DNMBP: variants seen among roughly 807,000 people sequenced by gnomAD.
The protein encoded by DNMBP is dynamin binding protein, also known as dynamin-binding protein.
Under a neutral mutation model 150.0 loss-of-function variants are expected in DNMBP, and 87 were observed. That is an observed-to-expected ratio of 0.58 (90% CI 0.49 to 0.69). The LOEUF is 0.69. DNMBP is among the 30% of genes least tolerant of loss of function. The probability of loss-of-function intolerance (pLI) is 0.00; values close to 1 mark genes in which losing one functional copy is unlikely to be tolerated. For missense variants in DNMBP, 1,774 were observed against 1,949.0 expected, an observed-to-expected ratio of 0.91 and a Z score of 1.69; for synonymous variants, 711 against 750.4, an observed-to-expected ratio of 0.95 and a Z score of 0.86.
chr10:99,899,168 G>A (rs1259984121), intron 7 of DNMBP, among the ~76,000 whole-genome samples: 1 of 151,950 alleles, frequency 6.6e-6, no homozygotes, highest in Admixed American at 6.6e-5. Flanking sequence ...CAGCCTGGAC[G>A]ACAGAGTGAG....
intron 2 of DNMBP, among the ~76,000 whole-genome samples, 154 bp from the exon 3 acceptor site, chr10:99,969,391 T>C (rs555768659): frequency 1.1e-4 from 17 of 152,254 alleles, no homozygotes; most frequent in Non-Finnish European, 2.5e-4. Flanking sequence ...GGAGAAGAAG[T>C]ATAGTGCACA....
intron 1 of DNMBP, among the ~76,000 whole-genome samples, chr10:99,976,798 A>T (rs969497303): frequency 6.6e-6 from 1 of 151,680 alleles, no homozygotes; most frequent in African/African-American, 2.4e-5. Flanking sequence ...AAAAAAAAAC[A>T]CCACACATAA....
At chr10:99,974,189 G>C (rs576579485) in intron 1 of DNMBP, among the ~76,000 whole-genome samples, 8 of 152,250 alleles carry the variant, frequency 5.3e-5, no homozygotes, top group African/African-American at 1.9e-4. Context: ...CTATGTAGAT[G>C]GCACCTCCAG....
chr10:99,888,553 G>A (rs1163807021), intron 12 of DNMBP, among the ~76,000 whole-genome samples: 2 of 152,134 alleles, frequency 1.3e-5, no homozygotes, highest in Non-Finnish European at 2.9e-5. Flanking sequence ...TATTTGATCA[G>A]AGTTCATTGC....
rs1334095430 is a variant in DNMBP, at chr10:99,880,033, G to C, written c.4326C>G (p.Ser1442=). The C allele has an allele frequency of 6.2e-7, 1 of 1,614,200 alleles. No homozygotes were observed. Among genetic ancestry groups the C allele is most frequent in the Admixed American group, 1.7e-5 (1 of 60,024 alleles). Residue 1442 remains serine, a synonymous_variant, in exon 16 of 17, where the codon TCC becomes TCG. Coordinates refer to ENST00000324109, the MANE Select transcript of DNMBP (RefSeq NM_015221.4). ...SRCPSDPDST[S]QPRSGDSADV... ...CTGCAGAGTCCCCTGACCTTGGCTG[G>C]GAGGTGGAGTCTGGGTCTGAAGGGC...
chr10:99,886,414 C>A lies in DNMBP; in HGVS notation c.3504G>T (p.Leu1168=). 6.2e-7 allele frequency: 1 copy of A among 1,614,202 alleles called. No homozygotes were observed. The highest frequency in any genetic ancestry group is 8.5e-7 in the Non-Finnish European group (1 of 1,180,038). The change falls in exon 13 of 17, where the codon CTG becomes CTT. Residue 1168 remains leucine (L), a synonymous_variant. Transcript: ENST00000324109. ...CCTGGGCGTACTGGTGGAACTTGGGCAGCTCATCCAGCAGCTGTGCATTCA... is the reference window on the plus strand; with the variant it reads ...CCTGGGCGTACTGGTGGAACTTGGGAAGCTCATCCAGCAGCTGTGCATTCA... ...EALNAQLLDE[L]PKFHQYAQGL...
At chr10:99,900,200 C>G (rs1232870241) in intron 6 of DNMBP, 134 bp from the exon 7 acceptor site, 12 of 846,816 alleles carry the variant, frequency 1.4e-5, no homozygotes, top group Non-Finnish European at 2.0e-5. Context: ...GACTATCCAT[C>G]AAATAGTAAG....
intron 1 of DNMBP, among the ~76,000 whole-genome samples, chr10:99,983,816 T>C (rs933159260): frequency 2.0e-5 from 3 of 152,304 alleles, no homozygotes; most frequent in African/African-American, 4.8e-5. Flanking sequence ...ACTACTTATA[T>C]TGCAACACTT....
chr10:99,911,219 TAAA>T (rs61149144), intron 4 of DNMBP, among the ~76,000 whole-genome samples: 1 of 142,338 alleles, frequency 7.0e-6, no homozygotes, highest in Admixed American at 6.9e-5. Context: ...CCAGCCTGAG[TAAA>T]AAAAAAATCT....
rs764046281 is a variant in DNMBP at position 99,956,235 on chromosome 10, G to A, written c.1239C>T (p.Ser413=). Residue 413 remains serine, a synonymous_variant, in exon 4 of 17, where the codon TCC becomes TCT. Coordinates refer to ENST00000324109, the MANE Select transcript of DNMBP (RefSeq NM_015221.4). ...SDPTEVVNGI[S]SQPQVPFHPN... ...GATGAAAAGGGACCTGAGGTTGGGA[G>A]GAAATACCATTGACTACTTCTGTAG... 2 of 1,613,900 alleles carry A rather than the reference G, an allele frequency of 1.2e-6. No individual in the cohort carries two copies. The highest frequency in any genetic ancestry group is 1.1e-5 in the South Asian group (1 of 91,050).
At chr10:99,901,812 C>CT (rs1208288961) in intron 6 of DNMBP, among the ~76,000 whole-genome samples, 1 of 152,240 alleles carries the variant, frequency 6.6e-6, no homozygotes, top group Non-Finnish European at 1.5e-5. Flanking sequence ...GGCACGACCC[C>CT]TCCCCTCAGG....
At chr10:99,908,913 C>A in intron 5 of DNMBP, 40 bp downstream of exon 5, 2 of 1,572,348 alleles carry the variant, frequency 1.3e-6, no homozygotes, top group Non-Finnish European at 8.7e-7. Context: ...CCTGGAGGAC[C>A]ATATTCAAGG....
intron 1 of DNMBP, among the ~76,000 whole-genome samples, chr10:99,988,891 A>T (rs1663518110): frequency 6.6e-6 from 1 of 152,084 alleles, no homozygotes; most frequent in African/African-American, 2.4e-5. Flanking sequence ...CAAACTCCTG[A>T]TCTCAAGTGA....
intron 10 of DNMBP, among the ~76,000 whole-genome samples, chr10:99,896,056 G>C (rs1264660512): frequency 6.6e-6 from 1 of 152,140 alleles, no homozygotes. Context: ...CTTAGAGGTG[G>C]TGAAAACTAC....
Position 99,957,197 on chromosome 10 carries a change from C to T in DNMBP, c.277G>A (p.Val93Met), listed in dbSNP as rs541350785. The change falls in exon 4 of 17, where the codon GTG becomes ATG. Residue 93 changes from valine (V) to methionine (M), a missense_variant. Physicochemically the swap from Val to Met is conservative, Grantham distance 21 (BLOSUM62 1). Around this residue, in one of 2 missense-constraint regions of DNMBP, gnomAD observed 344 missense variants for 456.6 expected, o/e 0.75. Transcript: ENST00000324109. ...GCAGTGGGAATGCCATCGAGAATCACCAGGTCACCTAAAGAAAAGAGGAGC... is the reference window on the plus strand; with the variant it reads ...GCAGTGGGAATGCCATCGAGAATCATCAGGTCACCTAAAGAAAAGAGGAGC... ...DNLPLHRGDL[V>M]ILDGIPTAGW... The T allele has an allele frequency of 1.2e-6, 2 of 1,601,362 alleles. No individual in the cohort carries two copies. The highest frequency in any genetic ancestry group is 2.7e-5 in the African/African-American group (2 of 75,026).
chr10:99,972,692 C>A (rs1228508553), intron 1 of DNMBP, among the ~76,000 whole-genome samples: 1 of 152,226 alleles, frequency 6.6e-6, no homozygotes, highest in Non-Finnish European at 1.5e-5. Flanking sequence ...CTCACTGCAG[C>A]CTCCAGCTCC....
At chr10:99,916,324 G>A (rs146021711) in intron 4 of DNMBP, among the ~76,000 whole-genome samples, 2,402 of 152,286 alleles carry the variant, frequency 0.016, 62 homozygotes, top group African/African-American at 0.053. Context: ...TTAGTTGGGC[G>A]TGGTGGCGTG....
intron 4 of DNMBP, among the ~76,000 whole-genome samples, chr10:99,919,391 G>T (rs538920068): frequency 6.6e-6 from 1 of 152,000 alleles, no homozygotes; most frequent in African/African-American, 2.4e-5. Flanking sequence ...TTAATTAGGC[G>T]GTTTACTTTT....
chr10:99,877,458 T>TA lies in DNMBP; in HGVS notation c.4549-123dup, dbSNP rs367679383. On this transcript the variant is annotated intron_variant, in intron 16 of 16. Coordinates refer to ENST00000324109, the MANE Select transcript of DNMBP (RefSeq NM_015221.4). Reference sequence around the variant, plus strand: ...ACATGTGGCTACTGAGCCCCTGAAATATGGCCAGTGAGACAGAGGAACTGA... The same window carrying TA: ...ACATGTGGCTACTGAGCCCCTGAAATAATGGCCAGTGAGACAGAGGAACTGA... The TA allele has an allele frequency of 5.4e-5, 36 of 669,034 alleles. No individual in the cohort carries two copies. The African/African-American group carries it at 6.3e-4, about 12-fold the overall frequency. 41.4% of individuals were successfully genotyped at this position (669,034 alleles called of 1,614,324 possible).
Sources: gnomAD v4.1 joint callset for allele counts (sites outside exome capture counted in the v4.1 genomes callset) on GRCh38, gnomAD v4.1.1 for gene constraint, gnomAD v4.1.1 regional missense constraint, MANE v1.5 for transcripts, NCBI Gene and HGNC (gene_info 2026-07-23, HGNC 2026-07-21) for gene names.